Variants in PCDH9 observed in about 807,000 individuals in gnomAD.
The protein encoded by PCDH9 is protocadherin-9.
In PCDH9, 24 loss-of-function variants were observed where a neutral mutation model predicts 70.6. That is an observed-to-expected ratio of 0.34 (90% CI 0.25 to 0.48). The LOEUF (loss-of-function observed/expected upper bound fraction) is 0.48, where lower values mean the gene tolerates loss of function less well. PCDH9 is among the 20% of genes least tolerant of loss of function. PCDH9 has a pLI of 0.99. For missense variants in PCDH9, 1,281 were observed against 1,503.6 expected (o/e 0.85, Z 2.45); for synonymous variants, 562 against 558.5 (o/e 1.01, Z -0.09).
At chr13:66,459,047 G>A (rs1361382728) in intron 4 of PCDH9, among the ~76,000 whole-genome samples, 3 of 151,884 alleles carry the variant, frequency 2.0e-5, no homozygotes, top group Non-Finnish European at 2.9e-5. Context: ...GCTCCAGAAG[G>A]ACCAAAATAT....
chr13:66,461,564 A>G (rs893962790), intron 4 of PCDH9, among the ~76,000 whole-genome samples: 5 of 151,810 alleles, frequency 3.3e-5, no homozygotes, highest in African/African-American at 9.6e-5. Context: ...AAAAAAGAAA[A>G]TCATGCCTCA....
chr13:66,426,648 T>C (rs1957676102), intron 4 of PCDH9, among the ~76,000 whole-genome samples: 1 of 151,612 alleles, frequency 6.6e-6, no homozygotes, highest in African/African-American at 2.4e-5. Context: ...AAAAAACTTT[T>C]AATTAAATTC....
chr13:66,645,060 C>A lies in PCDH9; in HGVS notation c.3139-13649G>T, dbSNP rs536402184. Among the ~76,000 whole-genome samples, 9 of 152,130 alleles carry A rather than the reference C, an allele frequency of 5.9e-5. No individual in the cohort carries two copies. The South Asian group carries it at 1.0e-3, about 18-fold the overall frequency. On this transcript the variant is annotated intron_variant, in intron 3 of 4. Transcript: ENST00000377865. ...AGAAGGCATCTTATCTGAGGCTTTA[C>A]CAGCTGATAAAGCACATAGAGAATG...
intron 2 of PCDH9, among the ~76,000 whole-genome samples, chr13:66,932,380 C>A (rs2082825848): frequency 1.3e-5 from 2 of 152,054 alleles, no homozygotes; most frequent in Non-Finnish European, 2.9e-5. Context: ...CTCCATAATT[C>A]TTTAATTCCA....
At chr13:67,122,213 G>A (rs576217505) in intron 2 of PCDH9, among the ~76,000 whole-genome samples, 89 of 152,058 alleles carry the variant, frequency 5.9e-4, no homozygotes, top group Non-Finnish European at 1.1e-3. Flanking sequence ...GAATGCCTAT[G>A]CCTAGCCATG....
chr13:66,436,552 T>A (rs74093095), intron 4 of PCDH9, among the ~76,000 whole-genome samples: 2 of 152,172 alleles, frequency 1.3e-5, no homozygotes, highest in African/African-American at 4.8e-5. Context: ...TCAGCTTTGC[T>A]TCTGGATTGT....
rs372024658 is a variant in PCDH9, at chr13:66,845,727, C to T, written c.3138+57777G>A. 6.6e-5 allele frequency among the ~76,000 whole-genome samples: 10 copies of T among 152,288 alleles called. 1 individual carries two copies. In the South Asian group the frequency reaches 2.1e-3, roughly 32 times the overall value. On this transcript the variant is annotated intron_variant, in intron 3 of 4. Transcript: ENST00000377865. The stretch of plus-strand genomic sequence containing the variant: ...GCTGGCATCACGGCAGTGGCTGCTC[C>T]ATATGGGCCGCCACTGCCATCAATA...
At chr13:66,305,105 T>G in intron 4 of PCDH9, 77 bp from the exon 5 acceptor site, 1 of 1,266,718 alleles carries the variant, frequency 7.9e-7, no homozygotes, top group Non-Finnish European at 1.1e-6. Flanking sequence ...AGAGAAAAAG[T>G]ATGTTATTAG....
rs17082160 is a variant in PCDH9, at chr13:67,134,346, C to T, written c.3036+91059G>A. Among the ~76,000 whole-genome samples, 522 of 152,090 alleles carry T rather than the reference C, an allele frequency of 3.4e-3. 6 individuals carry two copies. The highest frequency in any genetic ancestry group is 0.011 in the African/African-American group (469 of 41,500). ...AACTTGTAATAAGTGATATAAATCA[C>T]CCTTTATCACAGAATTAGCTGTTTT... On this transcript the variant is annotated intron_variant, in intron 2 of 4. Coordinates refer to ENST00000377865, the MANE Select transcript of PCDH9 (RefSeq NM_203487.3).
chr13:66,670,203 T>C (rs2078153579), intron 3 of PCDH9, among the ~76,000 whole-genome samples: 1 of 152,196 alleles, frequency 6.6e-6, no homozygotes, highest in Non-Finnish European at 1.5e-5. Context: ...CTCTGTCTTG[T>C]TTTGCTAGCA....
chr13:66,726,200 A>C (rs2079003445), intron 3 of PCDH9, among the ~76,000 whole-genome samples: 1 of 152,160 alleles, frequency 6.6e-6, no homozygotes, highest in Non-Finnish European at 1.5e-5. Flanking sequence ...ATCTTTCTTT[A>C]AAATTTGAAA....
chr13:67,123,310 AC>A (rs1397258898), intron 2 of PCDH9, among the ~76,000 whole-genome samples: 1 of 152,208 alleles, frequency 6.6e-6, no homozygotes, highest in African/African-American at 2.4e-5. Flanking sequence ...AGATGTAAAC[AC>A]CTAGAGCTCC....
intron 2 of PCDH9, among the ~76,000 whole-genome samples, chr13:66,931,285 T>C (rs188747292): frequency 8.5e-4 from 130 of 152,254 alleles, no homozygotes; most frequent in East Asian, 1.5e-3. Context: ...GAGCTAGCCA[T>C]ATGATAGTAA....
At chr13:67,095,144 T>C (rs1418187429) in intron 2 of PCDH9, among the ~76,000 whole-genome samples, 2 of 152,258 alleles carry the variant, frequency 1.3e-5, no homozygotes, top group African/African-American at 2.4e-5. Context: ...AGCACAGAAG[T>C]AGGCATTAGT....
In PCDH9 at chr13:66,622,140, C is replaced by T. The variant is rs181375946; in HGVS notation, c.3340+9070G>A. ...TGGGTCCCCCAGCAGTGCTGGCCCA[C>T]GGGCACTGCACTCGATTTGTCACCG... On this transcript the variant is annotated intron_variant, in intron 4 of 4. Transcript: ENST00000377865. 4.4e-3 allele frequency among the ~76,000 whole-genome samples: 675 copies of T among 152,340 alleles called. 7 individuals carry two copies. The highest frequency in any genetic ancestry group is 0.016 in the African/African-American group (654 of 41,586).
At chr13:66,982,456 C>A (rs955581108) in intron 2 of PCDH9, among the ~76,000 whole-genome samples, 5 of 152,084 alleles carry the variant, frequency 3.3e-5, no homozygotes, top group Admixed American at 1.3e-4. Context: ...TAGGCATAGG[C>A]AAGTATTTGA....
chr13:66,972,879 A>G (rs969933916), intron 2 of PCDH9, among the ~76,000 whole-genome samples: 1 of 152,096 alleles, frequency 6.6e-6, no homozygotes, highest in Middle Eastern at 3.2e-3. Flanking sequence ...AATAAGATAA[A>G]GAAATAAACT....
At chr13:66,360,347 G>A (rs1344418001) in intron 4 of PCDH9, among the ~76,000 whole-genome samples, 1 of 152,036 alleles carries the variant, frequency 6.6e-6, no homozygotes, top group Non-Finnish European at 1.5e-5. Flanking sequence ...TATGCAAAAC[G>A]AAACTCACAC....
chr13:66,708,469 G>C (rs567753124), intron 3 of PCDH9, among the ~76,000 whole-genome samples: 34 of 150,012 alleles, frequency 2.3e-4, no homozygotes, highest in African/African-American at 7.1e-4. Flanking sequence ...GAAATTCTAG[G>C]GGATACTCCT....
Sources: allele counts gnomAD v4.1 joint callset (sites outside exome capture counted in the v4.1 genomes callset), GRCh38; gene constraint gnomAD v4.1.1; transcripts MANE v1.5; gene names NCBI Gene and HGNC (gene_info 2026-07-23, HGNC 2026-07-21).